The following CPXM2 variants were observed in gnomAD, a reference collection of about 807,000 sequenced individuals.
The protein encoded by CPXM2 is inactive carboxypeptidase-like protein X2.
Under a neutral mutation model 86.1 loss-of-function variants are expected in CPXM2, and 66 were observed. The ratio of observed to expected loss-of-function variants is 0.77; its 90% CI spans 0.63 to 0.94. The LOEUF (loss-of-function observed/expected upper bound fraction) is 0.94, where lower values mean the gene tolerates loss of function less well. Among genes scored for constraint, CPXM2 ranks in the 40% least tolerant of loss-of-function variants. CPXM2 has a pLI of 0.00. For synonymous variants in CPXM2, 388 were observed against 400.2 expected (o/e 0.97, Z 0.36); for missense variants, 948 against 1,026.3 (o/e 0.92, Z 1.04).
At chr10:123,828,681 A>G (rs34262727) in intron 4 of CPXM2, among the ~76,000 whole-genome samples, 13,061 of 152,270 alleles carry the variant, frequency 0.086, 630 homozygotes, top group Middle Eastern at 0.2. Context: ...CTAATACACA[A>G]ACCTTGACCT....
intron 4 of CPXM2, among the ~76,000 whole-genome samples, chr10:123,804,111 T>C (rs1847527511): frequency 6.6e-6 from 1 of 152,228 alleles, no homozygotes; most frequent in East Asian, 1.9e-4. Context: ...GTTCTGTTGG[T>C]CTACTTCTTA....
chr10:123,807,822 C>A (rs181166894), intron 4 of CPXM2, among the ~76,000 whole-genome samples: 37 of 152,304 alleles, frequency 2.4e-4, no homozygotes, highest in African/African-American at 7.7e-4. Context: ...TTCTAATCTT[C>A]AGGGAAAGTT....
intron 2 of CPXM2, among the ~76,000 whole-genome samples, chr10:123,902,746 T>C (rs1212198025): frequency 6.6e-6 from 1 of 152,204 alleles, no homozygotes; most frequent in Non-Finnish European, 1.5e-5. Context: ...TATCATTGCC[T>C]TGGGGTTGGG....
chr10:123,746,584 G>A lies in CPXM2; in HGVS notation c.*180C>T. The A allele has an allele frequency of 1.6e-6, 1 of 637,542 alleles. No individual in the cohort carries two copies. The highest frequency in any genetic ancestry group is 2.7e-6 in the Non-Finnish European group (1 of 371,040). The allele number at this position is 637,542 out of a possible 1,614,324, so 39.5% of individuals were successfully genotyped here. A position where few individuals can be genotyped will look rare whatever the true frequency, so the allele number is the denominator to read the frequency against. On this transcript the variant is annotated 3_prime_UTR_variant, in exon 14 of 14. Transcript: ENST00000241305. ...AGTTATTTGGATAAATGGGAACAAA[G>A]AAAAGAAAACAGCCTCAGCCTCCAG... is the stretch of plus-strand genomic sequence containing the variant.
At chr10:123,812,513 A>G (rs890708514) in intron 4 of CPXM2, among the ~76,000 whole-genome samples, 11 of 152,106 alleles carry the variant, frequency 7.2e-5, no homozygotes, top group African/African-American at 2.7e-4. Context: ...AGGCACAGAG[A>G]TTATTTCCAT....
chr10:123,850,016 A>G (rs1045300032), intron 3 of CPXM2, among the ~76,000 whole-genome samples: 3 of 152,194 alleles, frequency 2.0e-5, no homozygotes, highest in African/African-American at 4.8e-5. Flanking sequence ...AACTTTATAT[A>G]AATGAAACCT....
intron 6 of CPXM2, among the ~76,000 whole-genome samples, chr10:123,783,211 C>A (rs768756510): frequency 1.1e-4 from 17 of 152,268 alleles, no homozygotes; most frequent in Non-Finnish European, 2.2e-4. Flanking sequence ...GTGGCCCATG[C>A]CGCTGTTCTG....
chr10:123,813,542 T>TG (rs1217843516), intron 4 of CPXM2, among the ~76,000 whole-genome samples: 1 of 152,220 alleles, frequency 6.6e-6, no homozygotes, highest in East Asian at 1.9e-4. Context: ...TAATTGTTCT[T>TG]GGTTAAAAAT....
intron 2 of CPXM2, among the ~76,000 whole-genome samples, chr10:123,929,561 C>T (rs898331864): frequency 5.9e-5 from 9 of 152,194 alleles, no homozygotes; most frequent in African/African-American, 1.9e-4. Flanking sequence ...TTTCTCCCTG[C>T]CCTCGCTGTT....
At chr10:123,894,222 T>A (rs1945314965), upstream of CPXM2, among the ~76,000 whole-genome samples, 1 of 152,176 alleles carries the variant, frequency 6.6e-6, no homozygotes, top group South Asian at 2.1e-4. Context: ...GAAGACACTT[T>A]ACCGCTTTTC....
Position 123,839,199 on chromosome 10 carries a change from T to C in CPXM2, c.653+3150A>G, listed in dbSNP as rs139096173. On this transcript the variant is annotated intron_variant, in intron 4 of 13. Transcript: ENST00000241305. ...GTCTTTATGAGATCGAGAGTAGTTA[T>C]CCCATTTTTAGAGAACAGGAAACTG... Among the ~76,000 whole-genome samples the C allele has an allele frequency of 8.2e-3, 1,242 of 152,230 alleles. 8 individuals are homozygous for C. Among genetic ancestry groups the C allele is most frequent in the Non-Finnish European group, 0.014 (944 of 68,020 alleles).
intron 4 of CPXM2, among the ~76,000 whole-genome samples, chr10:123,836,718 T>G (rs1848289439): frequency 6.6e-6 from 1 of 152,160 alleles, no homozygotes; most frequent in Admixed American, 6.5e-5. Flanking sequence ...TGTGAAACCC[T>G]CTGGGGTGAA....
intron 4 of CPXM2, among the ~76,000 whole-genome samples, chr10:123,836,276 A>G (rs1848278215): frequency 6.6e-6 from 1 of 151,770 alleles, no homozygotes; most frequent in African/African-American, 2.4e-5. Context: ...GTCCTCAAAT[A>G]GGGCCACTGT....
rs1353146056 is a variant in CPXM2, at chr10:123,842,340, T to C, written c.653+9A>G. ...AGGGTCCAGAAAGCATATGTCCAGGTACACTCACAGCCAGAGGGAGTTCCT... is the reference window on the plus strand; with the variant it reads ...AGGGTCCAGAAAGCATATGTCCAGGCACACTCACAGCCAGAGGGAGTTCCT... On this transcript the variant is annotated intron_variant, in intron 4 of 13. Coordinates refer to ENST00000241305, the MANE Select transcript of CPXM2 (RefSeq NM_198148.3). 1.2e-6 allele frequency: 2 copies of C among 1,614,056 alleles called. No homozygotes were observed. Among genetic ancestry groups the C allele is most frequent in the East Asian group, 2.2e-5 (1 of 44,898 alleles).
At chr10:123,763,702 C>T (rs1428630231) in intron 10 of CPXM2, among the ~76,000 whole-genome samples, 7 of 152,040 alleles carry the variant, frequency 4.6e-5, no homozygotes, top group South Asian at 4.1e-4. Flanking sequence ...ATGGCGATCT[C>T]ATTTAATGTG....
intron 2 of CPXM2, 66 bp downstream of exon 2, chr10:123,880,145 T>TTGGGGGCCCCCCCCCCC: frequency 2.5e-6 from 1 of 407,580 alleles, no homozygotes. Flanking sequence ...CAGGGGCCTG[T>TTGGGGGCCCCCCCCCCC]ACCCACCCAC....
intron 8 of CPXM2, among the ~76,000 whole-genome samples, chr10:123,768,987 G>A (rs1476511791): frequency 6.6e-6 from 1 of 152,148 alleles, no homozygotes; most frequent in Non-Finnish European, 1.5e-5. Context: ...ACCAAGAACA[G>A]ATCAAATAAC....
chr10:123,913,203 A>G (rs1267248271), intron 2 of CPXM2, among the ~76,000 whole-genome samples: 1 of 152,250 alleles, frequency 6.6e-6, no homozygotes. Context: ...ATTTTGAGCT[A>G]AACATGACTG....
chr10:123,846,181 A>G (rs546539845), intron 3 of CPXM2, among the ~76,000 whole-genome samples: 26 of 152,300 alleles, frequency 1.7e-4, no homozygotes, highest in African/African-American at 6.3e-4. Flanking sequence ...TGTGCACTTT[A>G]TTTCTATTAT....
Sources: gnomAD v4.1 joint callset for allele counts (sites outside exome capture counted in the v4.1 genomes callset) on GRCh38, gnomAD v4.1.1 for gene constraint, MANE v1.5 for transcripts, NCBI Gene and HGNC (gene_info 2026-07-23, HGNC 2026-07-21) for gene names.